USP53: variants seen among roughly 807,000 people sequenced by gnomAD.
USP53 encodes ubiquitin carboxyl-terminal hydrolase 53.
USP53 carries 71 observed loss-of-function variants against 94.9 expected under a neutral mutation model. That is an observed-to-expected ratio of 0.75 (90% CI 0.62 to 0.91). USP53 has a LOEUF of 0.91. Among genes scored for constraint, USP53 ranks in the 40% least tolerant of loss-of-function variants. USP53 has a pLI of 0.00. For synonymous variants in USP53, 375 were observed against 422.7 expected (o/e 0.89, Z 1.39); for missense variants, 1,173 against 1,281.0 (o/e 0.92, Z 1.29).
chr4:119,256,629 T>C (rs902753798), intron 9 of USP53, 106 bp downstream of exon 9: 8 of 1,153,708 alleles, frequency 6.9e-6, no homozygotes, highest in Non-Finnish European at 8.9e-6. Flanking sequence ...CCCCTCTCTG[T>C]CTGAGGCTAC....
At chr4:119,224,788 A>C (rs1399123101) in intron 3 of USP53, among the ~76,000 whole-genome samples, 1 of 152,216 alleles carries the variant, frequency 6.6e-6, no homozygotes, top group Non-Finnish European at 1.5e-5. Context: ...AAAATTGAAA[A>C]CAGTATAGCA....
At chr4:119,247,059 A>C (rs1321302321) in intron 6 of USP53, among the ~76,000 whole-genome samples, 1 of 152,180 alleles carries the variant, frequency 6.6e-6, no homozygotes, top group Non-Finnish European at 1.5e-5. Context: ...AACATGGCCA[A>C]ATAGGGTTAT....
Position 119,254,130 on chromosome 4 carries a change from C to G in USP53, c.373-2116C>G, listed in dbSNP as rs181669710. 1.9e-3 allele frequency among the ~76,000 whole-genome samples: 293 copies of G among 152,252 alleles called. 1 individual carries two copies. Among genetic ancestry groups the G allele is most frequent in the Non-Finnish European group, 3.5e-3 (238 of 68,010 alleles). ...TTCTCTTTGTGGGTAACCTGACCTT[C>G]CTCTCTGGCTGCCCTTAACATTTTT... On this transcript the variant is annotated intron_variant, in intron 7 of 18. Coordinates refer to ENST00000692078, the MANE Select transcript of USP53 (RefSeq NM_001371395.1).
rs543719988 is a variant in USP53 at position 119,272,086 on chromosome 4, A to G, written c.2174+52A>G. Reference sequence around the variant, plus strand: ...TTTCCATCACTCTTCTTTTTTGTTAATTGCATGAAGTAATTTTTGAAGTTT... The same window carrying G: ...TTTCCATCACTCTTCTTTTTTGTTAGTTGCATGAAGTAATTTTTGAAGTTT... On this transcript the variant is annotated intron_variant, in intron 16 of 18. Transcript: ENST00000692078. 4.0e-5 allele frequency: 61 copies of G among 1,512,194 alleles called. No individual in the cohort carries two copies. In the African/African-American group the frequency reaches 7.5e-4, roughly 19 times the overall value. The allele number at this position is 1,512,194 out of a possible 1,614,324, so 93.7% of individuals were successfully genotyped here.
chr4:119,261,343 T>C (rs1750497751), intron 11 of USP53, among the ~76,000 whole-genome samples: 1 of 152,204 alleles, frequency 6.6e-6, no homozygotes, highest in African/African-American at 2.4e-5. Flanking sequence ...TAATTATCTT[T>C]TAGATAATAT....
In USP53 at chr4:119,273,739, T is replaced by C. The variant is rs1368111630; in HGVS notation, c.2251+31T>C. The C allele has an allele frequency of 2.6e-6, 4 of 1,547,566 alleles. No homozygotes were observed. The East Asian group carries it at 9.2e-5, about 36-fold the overall frequency. On this transcript the variant is annotated intron_variant, in intron 17 of 18. Coordinates refer to ENST00000692078, the MANE Select transcript of USP53 (RefSeq NM_001371395.1). ...AAACTTATTTGAATATAATAGTTGC[T>C]GTAAAAAATGAATTATAGTAATTTA...
chr4:119,218,427 C>T (rs1012355990), intron 3 of USP53: 7 of 152,096 alleles, frequency 4.6e-5, no homozygotes, highest in Admixed American at 2.6e-4. Flanking sequence ...CTAGTGGAAA[C>T]TAGTGAATAG....
Position 119,259,896 on chromosome 4 carries a change from A to T in USP53, c.646A>T (p.Asn216Tyr), listed in dbSNP as rs1750275473. 1 of 1,611,726 alleles carries T rather than the reference A, an allele frequency of 6.2e-7. No homozygotes were observed. The highest frequency in any genetic ancestry group is 8.5e-7 in the Non-Finnish European group (1 of 1,178,872). Reference sequence around the variant, plus strand: ...GTTTGCAGAATTGCTACAAGCAGCAAATACAACAGATGACTATAGGAAATG... The same window carrying T: ...GTTTGCAGAATTGCTACAAGCAGCATATACAACAGATGACTATAGGAAATG... ...EMFAELLQAA[N>Y]TTDDYRKCPS... is the part of the protein sequence containing the mutation. The change falls in exon 10 of 19, where the codon AAT (asparagine) becomes TAT (tyrosine). Residue 216 changes from asparagine to tyrosine, a missense_variant. Physicochemically the swap from Asn to Tyr is moderately radical, Grantham distance 143 (BLOSUM62 -2). Coordinates refer to ENST00000692078, the MANE Select transcript of USP53 (RefSeq NM_001371395.1).
At chr4:119,282,043 A>C (rs1326943625) in intron 17 of USP53, among the ~76,000 whole-genome samples, 1 of 152,044 alleles carries the variant, frequency 6.6e-6, no homozygotes, top group Non-Finnish European at 1.5e-5. Flanking sequence ...TATTTTAGGT[A>C]CCTCATATAG....
At chr4:119,281,101 G>A (rs1273802025) in intron 17 of USP53, among the ~76,000 whole-genome samples, 1 of 152,206 alleles carries the variant, frequency 6.6e-6, no homozygotes, top group Non-Finnish European at 1.5e-5. Flanking sequence ...CAATAACTAT[G>A]CAATGGTGTG....
At chr4:119,230,299 T>C (rs1324862234) in intron 3 of USP53, among the ~76,000 whole-genome samples, 2 of 152,180 alleles carry the variant, frequency 1.3e-5, no homozygotes, top group African/African-American at 4.8e-5. Flanking sequence ...TGAGATCATA[T>C]TAAATTCCTG....
chr4:119,289,265 T>G (rs1227136992), intron 17 of USP53, among the ~76,000 whole-genome samples: 1 of 152,200 alleles, frequency 6.6e-6, no homozygotes, highest in Admixed American at 6.5e-5. Context: ...TAAGTAAAAC[T>G]GGCTTAAAAA....
chr4:119,273,774 AT>A, intron 17 of USP53, 66 bp downstream of exon 17: 1 of 1,335,494 alleles, frequency 7.5e-7, no homozygotes, highest in Non-Finnish European at 1.0e-6. Flanking sequence ...ATTGTTTGCT[AT>A]TATGTATCTG....
chr4:119,234,380 A>G (rs1042507008), intron 3 of USP53, among the ~76,000 whole-genome samples: 2 of 152,098 alleles, frequency 1.3e-5, no homozygotes, highest in Non-Finnish European at 2.9e-5. Context: ...TGTGTAATCT[A>G]TAGGGTTGAG....
intron 15 of USP53, among the ~76,000 whole-genome samples, chr4:119,270,105 T>A (rs1751663488): frequency 6.7e-6 from 1 of 149,904 alleles, no homozygotes; most frequent in Non-Finnish European, 1.5e-5. Flanking sequence ...TTTAATAACT[T>A]TATTTTGAAG....
chr4:119,240,657 C>G (rs1747402574), intron 5 of USP53, among the ~76,000 whole-genome samples: 2 of 151,998 alleles, frequency 1.3e-5, no homozygotes, highest in Non-Finnish European at 2.9e-5. Context: ...ATTGTTTTTT[C>G]TTTTGAAAAC....
At chr4:119,271,156 C>G (rs1751800675) in intron 15 of USP53, 140 bp from the exon 16 acceptor site, 1 of 1,324,418 alleles carries the variant, frequency 7.6e-7, no homozygotes. Context: ...TTTTTAATCT[C>G]AAAGCAGTAT....
intron 15 of USP53, 52 bp from the exon 16 acceptor site, chr4:119,271,244 C>T: frequency 6.6e-7 from 1 of 1,511,090 alleles, no homozygotes; most frequent in Non-Finnish European, 8.8e-7. Context: ...CTTGTGACTA[C>T]AAGGTGGCTC....
At chr4:119,292,290 T>C (rs1754846650) in intron 18 of USP53, 48 bp from the exon 19 acceptor site, 7 of 1,480,830 alleles carry the variant, frequency 4.7e-6, no homozygotes, top group Non-Finnish European at 6.3e-6. Context: ...CCTAGTTTCA[T>C]ATATTTGCAT....
Sources: allele counts gnomAD v4.1 joint callset (sites outside exome capture counted in the v4.1 genomes callset), GRCh38; gene constraint gnomAD v4.1.1; transcripts MANE v1.5; gene names NCBI Gene and HGNC (gene_info 2026-07-23, HGNC 2026-07-21).